The following SCAMP5 variants were observed in gnomAD, a reference collection of about 807,000 sequenced individuals.
SCAMP5 encodes secretory carrier-associated membrane protein 5.
In SCAMP5, 7 loss-of-function variants were observed where a neutral mutation model predicts 28.3. The ratio of observed to expected loss-of-function variants is 0.25; its 90% confidence interval spans 0.14 to 0.46. SCAMP5 has a LOEUF of 0.46. SCAMP5 is among the 20% of genes least tolerant of loss of function. SCAMP5 has a pLI of 0.99. For missense variants in SCAMP5, 192 were observed against 312.5 expected (o/e 0.61, Z 2.91); for synonymous variants, 117 against 116.4 (o/e 1.00, Z -0.03).
In SCAMP5 at chr15:74,996,492, A is replaced by G. The variant is rs1388074176; in HGVS notation, c.-49+819A>G. On this transcript the variant is annotated intron_variant, in intron 1 of 6. Transcript: ENST00000425597. The surrounding 1 kb of genome is among the most constrained non-coding windows in gnomAD (Gnocchi z 4.1). ...CAGTGAGGGCCTGGCAGACTTTCCC[A>G]GGGACACAGAGAGAAAGGGAGGCGA... Among the ~76,000 whole-genome samples, 1 of 152,216 alleles carries G rather than the reference A, an allele frequency of 6.6e-6. No homozygotes were observed. Among genetic ancestry groups the G allele is most frequent in the Non-Finnish European group, 1.5e-5 (1 of 68,042 alleles).
intron 1 of SCAMP5, among the ~76,000 whole-genome samples, chr15:75,006,774 CAAA>C (rs111681986): frequency 3.8e-4 from 44 of 115,970 alleles, no homozygotes; most frequent in African/African-American, 1.2e-3. Context: ...GACTCCATCT[CAAA>C]AAAAAAAAAA....
In SCAMP5 at chr15:75,018,244, G is replaced by A. The variant is rs1208301800; in HGVS notation, c.396-174G>A. The A allele has an allele frequency of 3.1e-6, 2 of 636,228 alleles. No homozygotes were observed. Among genetic ancestry groups the A allele is most frequent in the Non-Finnish European group, 5.7e-6 (2 of 353,234 alleles). The allele number at this position is 636,228 out of a possible 1,614,324, so 39.4% of individuals were successfully genotyped here. On this transcript the variant is annotated intron_variant, in intron 5 of 6. Transcript: ENST00000425597. This position sits in a 1 kb window ranked among gnomAD's most constrained non-coding sequence, Gnocchi z 5.6. Reference sequence around the variant, plus strand: ...TCTGAAGAGCACCTCTGAGCCACAGGGATGGGGTCTTCTTGAGCCACTGGC... The same window carrying A: ...TCTGAAGAGCACCTCTGAGCCACAGAGATGGGGTCTTCTTGAGCCACTGGC...
At chr15:75,006,047 G>C (rs1269344967) in intron 1 of SCAMP5, among the ~76,000 whole-genome samples, 3 of 139,380 alleles carry the variant, frequency 2.2e-5, no homozygotes, top group Non-Finnish European at 4.5e-5. Flanking sequence ...ACCCGGGCTG[G>C]AGTAGAGTGG....
At chr15:74,997,529 C>T (rs994170653) in intron 1 of SCAMP5, among the ~76,000 whole-genome samples, 2 of 152,196 alleles carry the variant, frequency 1.3e-5, no homozygotes, top group Admixed American at 1.3e-4. Flanking sequence ...AAAATGTATG[C>T]AGCGGGATGC....
At chr15:75,017,499 G>A (rs1156788101) in intron 4 of SCAMP5, among the ~76,000 whole-genome samples, 1 of 152,158 alleles carries the variant, frequency 6.6e-6, no homozygotes, top group Non-Finnish European at 1.5e-5. Context: ...CTGAGCCTAT[G>A]AGACCATCCA....
At position 75,019,231 on chromosome 15, in the gene SCAMP5, T is replaced by A; in HGVS notation, c.*248T>A. The A allele has an allele frequency of 3.3e-6, 1 of 304,784 alleles. No homozygotes were observed. The highest frequency in any genetic ancestry group is 5.9e-6 in the Non-Finnish European group (1 of 170,048). 18.9% of individuals were successfully genotyped at this position (304,784 alleles called of 1,614,324 possible). Reference sequence around the variant, plus strand: ...GCTGTCCCGTGCGGTAGTAGCTGTGTCTGTGTCCCCTCGTGAAATAGTGTG... The same window carrying A: ...GCTGTCCCGTGCGGTAGTAGCTGTGACTGTGTCCCCTCGTGAAATAGTGTG... On this transcript the variant is annotated 3_prime_UTR_variant, in exon 7 of 7. Transcript: ENST00000425597.
At chr15:75,012,615 G>C (rs2065821902) in intron 2 of SCAMP5, 62 bp from the exon 3 acceptor site, 1 of 1,600,950 alleles carries the variant, frequency 6.2e-7, no homozygotes, top group South Asian at 1.1e-5. Flanking sequence ...GGGAAGGATG[G>C]GCGTCTTGGA....
chr15:75,012,762 C>T lies in SCAMP5; in HGVS notation c.93C>T (p.Pro31=). The change falls in exon 3 of 7, where the codon CCC becomes CCT. Residue 31 remains proline (P), a synonymous_variant. Transcript: ENST00000425597. ...AAGACTTCGAGGCAGATATTCCTCC[C>T]CAGCATGTCAGCATGACCAAGCGCC... ...FYQDFEADIP[P]QHVSMTKRLY... 3 of 1,613,996 alleles carry T rather than the reference C, an allele frequency of 1.9e-6. No homozygotes were observed. Among genetic ancestry groups the T allele is most frequent in the Non-Finnish European group, 2.5e-6 (3 of 1,179,838 alleles).
In SCAMP5 at chr15:75,019,094, C is replaced by T. The variant is rs528338246; in HGVS notation, c.*111C>T. The T allele has an allele frequency of 9.4e-6, 6 of 636,626 alleles. No individual in the cohort carries two copies. The highest frequency in any genetic ancestry group is 1.6e-5 in the Non-Finnish European group (6 of 380,280). The allele number at this position is 636,626 out of a possible 1,614,324, so 39.4% of individuals were successfully genotyped here. On this transcript the variant is annotated 3_prime_UTR_variant, in exon 7 of 7. Transcript: ENST00000425597. ...GTTCCCCCTTCCCTTTTCTCCTTCCCTACTTTGTACAAAGGACCAGAGTTA... is the reference window on the plus strand; with the variant it reads ...GTTCCCCCTTCCCTTTTCTCCTTCCTTACTTTGTACAAAGGACCAGAGTTA...
At chr15:75,010,105 A>G (rs945483946) in intron 1 of SCAMP5, among the ~76,000 whole-genome samples, 1 of 152,202 alleles carries the variant, frequency 6.6e-6, no homozygotes, top group African/African-American at 2.4e-5. Context: ...CTGTTCTAAC[A>G]AGGTGATTGC....
intron 1 of SCAMP5, among the ~76,000 whole-genome samples, chr15:75,006,941 C>G (rs2065766559): frequency 6.6e-6 from 1 of 151,916 alleles, no homozygotes; most frequent in South Asian, 2.1e-4. Context: ...GACTCTGTCT[C>G]AAGAAAAAAA....
At chr15:75,005,036 G>A (rs185053780) in intron 1 of SCAMP5, among the ~76,000 whole-genome samples, 3 of 152,196 alleles carry the variant, frequency 2.0e-5, no homozygotes, top group Non-Finnish European at 4.4e-5. Flanking sequence ...TTAGCTGGGT[G>A]TGGTGGCGTG....
rs2065875452 is a variant in SCAMP5, at chr15:75,018,254, T to G, written c.396-164T>G. On this transcript the variant is annotated intron_variant, in intron 5 of 6. Transcript: ENST00000425597. This position sits in a 1 kb window ranked among gnomAD's most constrained non-coding sequence, Gnocchi z 5.6. Reference sequence around the variant, plus strand: ...ACCTCTGAGCCACAGGGATGGGGTCTTCTTGAGCCACTGGCACAGGTTCTT... The same window carrying G: ...ACCTCTGAGCCACAGGGATGGGGTCGTCTTGAGCCACTGGCACAGGTTCTT... 4.6e-6 allele frequency: 3 copies of G among 646,642 alleles called. No homozygotes were observed. The highest frequency in any genetic ancestry group is 2.5e-5 in the Admixed American group (1 of 40,344). 40.1% of individuals were successfully genotyped at this position (646,642 alleles called of 1,614,324 possible).
At chr15:75,017,689 T>A (rs2065870678) in intron 4 of SCAMP5, 181 bp from the exon 5 acceptor site, 1 of 629,486 alleles carries the variant, frequency 1.6e-6, no homozygotes, top group South Asian at 1.8e-5. Flanking sequence ...AACACACAGG[T>A]CTACCACGTG....
intron 1 of SCAMP5, among the ~76,000 whole-genome samples, chr15:74,999,598 C>CA (rs1333455624): frequency 3.3e-5 from 5 of 151,604 alleles, no homozygotes; most frequent in Admixed American, 3.3e-4. Context: ...CATCTCAAAA[C>CA]AAAAACAAAA....
In SCAMP5 at chr15:75,020,226, G is replaced by GA. The variant is rs1295257123; in HGVS notation, c.*1244dup. The GA allele has an allele frequency of 6.6e-6, 1 of 152,618 alleles. No individual in the cohort carries two copies. The highest frequency in any genetic ancestry group is 2.4e-5 in the African/African-American group (1 of 41,412). 9.5% of individuals were successfully genotyped at this position (152,618 alleles called of 1,614,324 possible). A position where few individuals can be genotyped will look rare whatever the true frequency, so the allele number is the denominator to read the frequency against. ...CTGGAAGCAGTAGCTGTTCTGTTTG[G>GA]ATCTGGTAGGACAGGGCTCAGAGGG... On this transcript the variant is annotated 3_prime_UTR_variant, in exon 7 of 7. Coordinates refer to ENST00000425597, the MANE Select transcript of SCAMP5 (RefSeq NM_138967.4).
At chr15:75,007,918 T>G (rs1210285036) in intron 1 of SCAMP5, among the ~76,000 whole-genome samples, 1 of 152,152 alleles carries the variant, frequency 6.6e-6, no homozygotes, top group Non-Finnish European at 1.5e-5. Context: ...CAGGCTGGTC[T>G]CGAACTCCTG....
chr15:75,018,299 C>G lies in SCAMP5; in HGVS notation c.396-119C>G. Reference sequence around the variant, plus strand: ...GTTCTTTGGGTATCAGTAAGATGGTCCCTCTGCATCCAGTGATATGTTTCC... The same window carrying G: ...GTTCTTTGGGTATCAGTAAGATGGTGCCTCTGCATCCAGTGATATGTTTCC... On this transcript the variant is annotated intron_variant, in intron 5 of 6. Transcript: ENST00000425597. This position sits in a 1 kb window ranked among gnomAD's most constrained non-coding sequence, Gnocchi z 5.6. 1 of 751,126 alleles carries G rather than the reference C, an allele frequency of 1.3e-6. No homozygotes were observed. The highest frequency in any genetic ancestry group is 2.5e-5 in the East Asian group (1 of 40,694). 46.5% of individuals were successfully genotyped at this position (751,126 alleles called of 1,614,324 possible). A position where few individuals can be genotyped will look rare whatever the true frequency, so the allele number is the denominator to read the frequency against.
At chr15:74,998,426 T>A (rs1451879138) in intron 1 of SCAMP5, among the ~76,000 whole-genome samples, 1 of 152,020 alleles carries the variant, frequency 6.6e-6, no homozygotes, top group Non-Finnish European at 1.5e-5. Context: ...GCCAACATGG[T>A]GAAACCGTGT....
Sources: gnomAD v4.1 joint callset for allele counts (sites outside exome capture counted in the v4.1 genomes callset) on GRCh38, gnomAD v4.1.1 for gene constraint, Gnocchi (gnomAD v3.1) non-coding constraint, MANE v1.5 for transcripts, NCBI Gene and HGNC (gene_info 2026-07-23, HGNC 2026-07-21) for gene names.